PRKCE: variants seen among roughly 807,000 people sequenced by gnomAD.
PRKCE encodes the protein protein kinase C epsilon type.
A neutral mutation model predicts 85.4 loss-of-function variants in PRKCE; 16 were observed. The ratio of observed to expected loss-of-function variants is 0.19; its 90% confidence interval spans 0.13 to 0.28. The LOEUF is 0.28. PRKCE is among the 10% of genes least tolerant of loss of function. The pLI is 1.00. For synonymous variants in PRKCE, 388 were observed against 371.5 expected (o/e 1.04, Z -0.51); for missense variants, 573 against 975.2 (o/e 0.59, Z 5.49).
At chr2:45,755,451 C>T (rs1461550568) in intron 1 of PRKCE, among the ~76,000 whole-genome samples, 1 of 152,188 alleles carries the variant, frequency 6.6e-6, no homozygotes, top group Admixed American at 6.5e-5. Context: ...GTCCTTCATT[C>T]TACAGTGACC....
At chr2:46,151,485 G>A (rs4952805) in intron 13 of PRKCE, among the ~76,000 whole-genome samples, 145,634 of 152,284 alleles carry the variant, frequency 0.96, 69,707 homozygotes, top group East Asian at 1. Flanking sequence ...CTGGTGGGAA[G>A]AGGAGCGCAT....
At chr2:46,097,178 C>T (rs12712968) in intron 11 of PRKCE, among the ~76,000 whole-genome samples, 85,319 of 151,714 alleles carry the variant, frequency 0.56, 24,968 homozygotes, top group East Asian at 0.83. Flanking sequence ...ACGTGCATGA[C>T]GGTAACCAAT....
intron 2 of PRKCE, among the ~76,000 whole-genome samples, chr2:45,845,100 G>A (rs1170428937): frequency 6.7e-6 from 1 of 148,302 alleles, no homozygotes; most frequent in Non-Finnish European, 1.5e-5. Context: ...TCTTGGACTT[G>A]GGATCCTTTC....
At chr2:45,658,821 A>G (rs1427491629) in intron 1 of PRKCE, among the ~76,000 whole-genome samples, 1 of 152,246 alleles carries the variant, frequency 6.6e-6, no homozygotes, top group Non-Finnish European at 1.5e-5. Flanking sequence ...AAAGTCTTAC[A>G]TACTCTAAAA....
At chr2:45,717,394 CCTAT>C (rs1446850850) in intron 1 of PRKCE, among the ~76,000 whole-genome samples, 3 of 152,246 alleles carry the variant, frequency 2.0e-5, no homozygotes, top group Non-Finnish European at 4.4e-5. Context: ...CTACCCATCA[CCTAT>C]CTTTTTCCAT....
At chr2:46,102,728 G>A (rs1116246) in intron 11 of PRKCE, among the ~76,000 whole-genome samples, 108,533 of 152,064 alleles carry the variant, frequency 0.71, 39,711 homozygotes, top group East Asian at 0.97. Context: ...ATATCTGCCA[G>A]CTGGGATTTG....
chr2:45,816,007 T>C (rs1352887800), intron 1 of PRKCE, among the ~76,000 whole-genome samples: 4 of 152,240 alleles, frequency 2.6e-5, no homozygotes, highest in East Asian at 3.8e-4. Context: ...TGGCGATTAA[T>C]GCAAGACACA....
intron 10 of PRKCE, among the ~76,000 whole-genome samples, chr2:46,081,142 C>T (rs899981628): frequency 6.6e-6 from 1 of 152,130 alleles, no homozygotes; most frequent in African/African-American, 2.4e-5. Context: ...CAGGCGTGCA[C>T]CACGATGCCT....
rs565461322 is a variant in PRKCE at position 46,041,776 on chromosome 2, C to A, written c.1437+31259C>A. ...AGATTGTTTAATTAAATTTAAAATT[C>A]TTTAAGCTGGAGGAATTTGCCCTAA... On this transcript the variant is annotated intron_variant, in intron 10 of 14. Transcript: ENST00000306156. This position sits in a 1 kb window ranked among gnomAD's most constrained non-coding sequence, Gnocchi z 5.5. Among the ~76,000 whole-genome samples, 2 of 152,172 alleles carry A rather than the reference C, an allele frequency of 1.3e-5. No individual in the cohort carries two copies. The highest frequency in any genetic ancestry group is 2.4e-5 in the African/African-American group (1 of 41,432).
chr2:45,951,143 C>T (rs1558876356), intron 2 of PRKCE, among the ~76,000 whole-genome samples: 3 of 152,300 alleles, frequency 2.0e-5, no homozygotes, highest in South Asian at 2.1e-4. Flanking sequence ...CAAAAGATTT[C>T]CTGGGGAGTT....
At chr2:45,898,415 G>C (rs1696315704) in intron 2 of PRKCE, among the ~76,000 whole-genome samples, 1 of 152,198 alleles carries the variant, frequency 6.6e-6, no homozygotes, top group South Asian at 2.1e-4. Context: ...AGCAGCAAAG[G>C]GTAGGGCATT....
chr2:45,885,389 T>C (rs1178901321), intron 2 of PRKCE, among the ~76,000 whole-genome samples: 1 of 152,174 alleles, frequency 6.6e-6, no homozygotes, highest in African/African-American at 2.4e-5. Context: ...AAGGCCTGGC[T>C]TTCAGAGACC....
chr2:46,016,909 CAAAAAAAA>C (rs10555423), intron 10 of PRKCE, among the ~76,000 whole-genome samples: 1 of 118,196 alleles, frequency 8.5e-6, no homozygotes, highest in Admixed American at 9.0e-5. Context: ...GACTCTGTCT[CAAAAAAAA>C]AAAAAAAAAG....
intron 2 of PRKCE, among the ~76,000 whole-genome samples, chr2:45,935,924 G>C (rs1175439296): frequency 6.6e-6 from 1 of 152,238 alleles, no homozygotes; most frequent in Non-Finnish European, 1.5e-5. Context: ...TGGAGTCCTG[G>C]AGTGCAGGCT....
At chr2:46,180,446 A>G (rs149918932) in intron 14 of PRKCE, among the ~76,000 whole-genome samples, 564 of 152,316 alleles carry the variant, frequency 3.7e-3, no homozygotes, top group African/African-American at 0.013. Context: ...GTGATGTGCA[A>G]TGAAGCATCT....
At chr2:45,702,437 G>A (rs1396009950) in intron 1 of PRKCE, among the ~76,000 whole-genome samples, 1 of 152,132 alleles carries the variant, frequency 6.6e-6, no homozygotes, top group Non-Finnish European at 1.5e-5. Context: ...AGCTGAGAGA[G>A]CATCTGTAAA....
intron 10 of PRKCE, among the ~76,000 whole-genome samples, chr2:46,027,359 A>C (rs868167841): frequency 2.0e-5 from 3 of 152,088 alleles, no homozygotes; most frequent in African/African-American, 7.2e-5. Context: ...AAAGAAAAGA[A>C]AAACAAGATC....
At chr2:46,033,110 T>G (rs1707641049) in intron 10 of PRKCE, among the ~76,000 whole-genome samples, 1 of 152,280 alleles carries the variant, frequency 6.6e-6, no homozygotes, top group African/African-American at 2.4e-5. Flanking sequence ...TGACAAGAAG[T>G]CAACATGTAG....
chr2:45,745,667 A>G (rs573108524), intron 1 of PRKCE, among the ~76,000 whole-genome samples: 1 of 152,294 alleles, frequency 6.6e-6, no homozygotes, highest in South Asian at 2.1e-4. Flanking sequence ...CTGGCGGCTA[A>G]TGAGATGCCT....
Sources: allele counts gnomAD v4.1 joint callset (sites outside exome capture counted in the v4.1 genomes callset), GRCh38; gene constraint gnomAD v4.1.1; non-coding constraint Gnocchi (gnomAD v3.1); transcripts MANE v1.5; gene names NCBI Gene and HGNC (gene_info 2026-07-23, HGNC 2026-07-21).